GRM8: variants seen among roughly 807,000 people sequenced by gnomAD.
GRM8 encodes metabotropic glutamate receptor 8.
GRM8 carries 47 observed loss-of-function variants against 87.2 expected under a neutral mutation model. That is an observed-to-expected ratio of 0.54 (90% CI 0.43 to 0.69). GRM8 has a LOEUF of 0.69. GRM8 is among the 30% of genes least tolerant of loss of function. The probability of loss-of-function intolerance (pLI) is 0.00; values close to 1 mark genes in which losing one functional copy is unlikely to be tolerated. For synonymous variants in GRM8, 396 were observed against 404.5 expected, an observed-to-expected ratio of 0.98 and a Z score of 0.25; for missense variants, 1,019 against 1,139.2, an observed-to-expected ratio of 0.89 and a Z score of 1.52.
At chr7:127,241,927 C>T in intron 2 of GRM8, among the ~76,000 whole-genome samples, 1 of 152,170 alleles carries the variant, frequency 6.6e-6, no homozygotes, top group Non-Finnish European at 1.5e-5. Context: ...TTAACAATAA[C>T]TTTATTTTTA....
At chr7:126,831,363 G>T (rs941373041) in intron 6 of GRM8, among the ~76,000 whole-genome samples, 2 of 152,214 alleles carry the variant, frequency 1.3e-5, no homozygotes, top group African/African-American at 4.8e-5. Context: ...CACCCAGTTC[G>T]AGCTTCCCGG....
At chr7:126,905,147 A>G (rs1412191982) in intron 3 of GRM8, among the ~76,000 whole-genome samples, 2 of 152,228 alleles carry the variant, frequency 1.3e-5, no homozygotes, top group Non-Finnish European at 1.5e-5. Context: ...TGTATAGCTA[A>G]TAGAACTGCA....
intron 6 of GRM8, among the ~76,000 whole-genome samples, chr7:126,851,557 G>A (rs1204161702): frequency 1.3e-5 from 2 of 152,056 alleles, no homozygotes; most frequent in Non-Finnish European, 2.9e-5. Context: ...CACTGTTTTA[G>A]CTACACCTCC....
intron 6 of GRM8, among the ~76,000 whole-genome samples, chr7:126,855,068 G>A (rs1162462022): frequency 1.3e-5 from 2 of 152,126 alleles, no homozygotes; most frequent in African/African-American, 4.8e-5. Context: ...CTGTGGGTTT[G>A]TCATAGATGG....
At chr7:127,234,464 C>T (rs1208246659) in intron 2 of GRM8, among the ~76,000 whole-genome samples, 3 of 152,240 alleles carry the variant, frequency 2.0e-5, no homozygotes, top group Admixed American at 2.0e-4. Flanking sequence ...TGATTATGAC[C>T]AATATGAACA....
intron 3 of GRM8, among the ~76,000 whole-genome samples, chr7:126,962,305 G>C (rs1809401921): frequency 6.6e-6 from 1 of 152,170 alleles, no homozygotes; most frequent in African/African-American, 2.4e-5. Flanking sequence ...ACACTATTCA[G>C]ACCAGGTATG....
At chr7:126,874,138 C>T (rs145967578) in intron 6 of GRM8, among the ~76,000 whole-genome samples, 2 of 152,086 alleles carry the variant, frequency 1.3e-5, no homozygotes, top group East Asian at 3.9e-4. Flanking sequence ...TCTCTAACTG[C>T]CTGATGGAAT....
intron 2 of GRM8, among the ~76,000 whole-genome samples, chr7:127,130,867 C>G (rs1013603898): frequency 1.3e-5 from 2 of 152,180 alleles, no homozygotes; most frequent in South Asian, 4.1e-4. Context: ...ACACTCCTTG[C>G]TTTCCCTTCA....
intron 3 of GRM8, among the ~76,000 whole-genome samples, chr7:127,030,924 C>G (rs1200921043): frequency 6.6e-6 from 1 of 152,058 alleles, no homozygotes; most frequent in African/African-American, 2.4e-5. Context: ...CTTGGCTGAC[C>G]CTCTCTGAAG....
chr7:126,924,111 G>A (rs900864359), intron 3 of GRM8, among the ~76,000 whole-genome samples: 6 of 152,138 alleles, frequency 3.9e-5, no homozygotes, highest in Non-Finnish European at 8.8e-5. Context: ...GAGACTCCTT[G>A]CTCCTCGTCA....
chr7:127,101,388 T>C (rs920122113), intron 3 of GRM8, among the ~76,000 whole-genome samples: 1 of 152,206 alleles, frequency 6.6e-6, no homozygotes, highest in African/African-American at 2.4e-5. Context: ...CAAAATCTCA[T>C]GTGCAATTGT....
At chr7:126,743,028 T>C (rs544797385) in intron 7 of GRM8, among the ~76,000 whole-genome samples, 16 of 152,104 alleles carry the variant, frequency 1.1e-4, no homozygotes, top group Admixed American at 6.6e-5. Flanking sequence ...ATCATATTTA[T>C]GCACTGGGGA....
At chr7:127,058,147 C>T (rs1186239948) in intron 3 of GRM8, 1 of 522,056 alleles carries the variant, frequency 1.9e-6, no homozygotes, top group South Asian at 1.5e-5. Context: ...GCCATCACAA[C>T]ACATCATCGC....
At chr7:127,135,617 C>CAAAAAAAAAAAAAAAAAAA (rs1168682673) in intron 2 of GRM8, among the ~76,000 whole-genome samples, 1 of 36,840 alleles carries the variant, frequency 2.7e-5, no homozygotes, top group Non-Finnish European at 4.8e-5. Context: ...GACTCCGTCT[C>CAAAAAAAAAAAAAAAAAAA]AAAAAAAAAA....
At chr7:126,650,856 G>A (rs1585373350) in intron 7 of GRM8, among the ~76,000 whole-genome samples, 1 of 152,078 alleles carries the variant, frequency 6.6e-6, no homozygotes, top group East Asian at 1.9e-4. Flanking sequence ...AGTGGCCATT[G>A]TGGCAGGGAT....
At chr7:126,596,852 T>C (rs73224982) in intron 8 of GRM8, among the ~76,000 whole-genome samples, 5,936 of 152,250 alleles carry the variant, frequency 0.039, 168 homozygotes, top group Non-Finnish European at 0.055. Flanking sequence ...AATGTTATCA[T>C]TGGAAAAAAC....
At chr7:126,539,272 GA>G (rs999950347) in intron 8 of GRM8, among the ~76,000 whole-genome samples, 1 of 150,814 alleles carries the variant, frequency 6.6e-6, no homozygotes, top group Non-Finnish European at 1.5e-5. Flanking sequence ...AAACATCATT[GA>G]AAAAAAGTGA....
At chr7:127,139,687 A>T (rs1828150825) in intron 2 of GRM8, among the ~76,000 whole-genome samples, 1 of 152,074 alleles carries the variant, frequency 6.6e-6, no homozygotes, top group Admixed American at 6.5e-5. Flanking sequence ...TCTGCACTAA[A>T]TCTCTGTAGC....
At chr7:127,053,096 T>C (rs1411135491) in intron 3 of GRM8, among the ~76,000 whole-genome samples, 1 of 152,212 alleles carries the variant, frequency 6.6e-6, no homozygotes, top group Admixed American at 6.5e-5. Context: ...TGTGACACCA[T>C]ATCACAAGCT....
Sources: allele counts gnomAD v4.1 joint callset (sites outside exome capture counted in the v4.1 genomes callset), GRCh38; gene constraint gnomAD v4.1.1; transcripts MANE v1.5; gene names NCBI Gene and HGNC (gene_info 2026-07-23, HGNC 2026-07-21).